Variants in PTPN20 observed in about 807,000 individuals in gnomAD.
The protein encoded by PTPN20 is tyrosine-protein phosphatase non-receptor type 20.
A neutral mutation model predicts 35.0 loss-of-function variants in PTPN20; 9 were observed. The observed-to-expected ratio is 0.26, with a 90% CI of 0.15 to 0.45. PTPN20 has a LOEUF of 0.45. Ranked by LOEUF, PTPN20 falls within the 20% of genes least tolerant of loss-of-function variation. The pLI, the probability that PTPN20 is intolerant of heterozygous loss-of-function variation, is 1.00. For synonymous variants in PTPN20, 32 were observed against 100.2 expected (o/e 0.32, Z 4.06); for missense variants, 111 against 312.5 (o/e 0.36, Z 4.86).
At chr10:46,999,321 T>A (rs201012193) in intron 9 of PTPN20, among the ~76,000 whole-genome samples, 48,660 of 151,802 alleles carry the variant, frequency 0.32, 8,129 homozygotes, top group South Asian at 0.48. Flanking sequence ...CTGGTCTATA[T>A]CCTGTTCAGT....
intron 1 of PTPN20, chr10:46,911,887 A>G: frequency 1.7e-5 from 2 of 115,004 alleles, no homozygotes; most frequent in Non-Finnish European, 2.8e-5. Flanking sequence ...GAACTTCCCA[A>G]TGACTCAAGG....
At chr10:46,925,099 C>T (rs1555112442) in intron 1 of PTPN20, among the ~76,000 whole-genome samples, 1 of 151,080 alleles carries the variant, frequency 6.6e-6, no homozygotes, top group Non-Finnish European at 1.5e-5. Context: ...GGCAACCACA[C>T]CCCAGCCTGG....
Position 46,946,567 on chromosome 10 carries a change from A to G in PTPN20, c.232A>G (p.Ser78Gly). The stretch of plus-strand genomic sequence containing the variant: ...ATATATACATTTCTTTTCTAGTGGC[A>G]GTGATCCCAGCATGTGGACAGCCAG... The part of the protein sequence containing the change: ...DVFEEPSESG[S>G]DPSMWTARGP... The change falls in exon 5 of 11, where the codon AGT becomes GGT. Residue 78 changes from serine (S) to glycine (G), a missense_variant. Physicochemically the swap from Ser to Gly is moderately conservative, Grantham distance 56 (BLOSUM62 0). This residue lies in a region of PTPN20 where 22 missense variants were observed against 49.2 expected (regional missense o/e 0.45). Coordinates refer to ENST00000374339, the MANE Select transcript of PTPN20 (RefSeq NM_001042357.5). The G allele has an allele frequency of 6.2e-7, 1 of 1,611,290 alleles. No homozygotes were observed. Among genetic ancestry groups the G allele is most frequent in the Non-Finnish European group, 8.5e-7 (1 of 1,179,574 alleles).
intron 9 of PTPN20, among the ~76,000 whole-genome samples, chr10:46,993,287 A>T (rs2058362634): frequency 6.6e-6 from 1 of 152,290 alleles, no homozygotes; most frequent in South Asian, 2.1e-4. Flanking sequence ...TTTAACCCCA[A>T]GGGGAACCCT....
chr10:46,998,036 A>G (rs1856679), intron 9 of PTPN20, among the ~76,000 whole-genome samples: 74,752 of 151,946 alleles, frequency 0.49, 19,636 homozygotes, highest in African/African-American at 0.68. Flanking sequence ...ACCAGCCACT[A>G]CGGAAAACAA....
chr10:46,940,634 G>A lies in PTPN20; in HGVS notation c.46G>A (p.Glu16Lys). The A allele has an allele frequency of 6.2e-7, 1 of 1,611,094 alleles. No individual in the cohort carries two copies. Among genetic ancestry groups the A allele is most frequent in the Non-Finnish European group, 8.5e-7 (1 of 1,179,692 alleles). The change falls in exon 3 of 11, where the codon GAG becomes AAG. Residue 16 changes from glutamate (E) to lysine (K), a missense_variant. Physicochemically the swap from Glu to Lys is moderately conservative, Grantham distance 56. This residue lies in a region of PTPN20 where 22 missense variants were observed against 49.2 expected (regional missense o/e 0.45). Coordinates refer to ENST00000374339, the MANE Select transcript of PTPN20 (RefSeq NM_001042357.5). ...CCGCCTTTGTTCAGTAAACGATTAT[G>A]AGGGAAATGACTCTGAAGCAGAAGA... ...DFRAEPVNDY[E>K]GNDSEAEDLN...
chr10:46,999,874 C>A, intron 9 of PTPN20, 38 bp from the exon 10 acceptor site: 1 of 1,610,144 alleles, frequency 6.2e-7, no homozygotes, highest in Non-Finnish European at 8.5e-7. Flanking sequence ...GTTTTTCCCC[C>A]ATGTGGATCA....
chr10:46,952,342 TG>T (rs2046951380), intron 5 of PTPN20, among the ~76,000 whole-genome samples: 2 of 149,390 alleles, frequency 1.3e-5, no homozygotes, highest in Non-Finnish European at 3.0e-5. Flanking sequence ...GCATCTACAG[TG>T]ATAAAACTAA....
At chr10:46,997,916 T>C (rs1194561407) in intron 9 of PTPN20, among the ~76,000 whole-genome samples, 2 of 152,106 alleles carry the variant, frequency 1.3e-5, no homozygotes, top group Non-Finnish European at 2.9e-5. Flanking sequence ...CCCATGCTGA[T>C]GAAGATTTGG....
intron 5 of PTPN20, among the ~76,000 whole-genome samples, chr10:46,952,576 G>T (rs1175199940): frequency 8.3e-6 from 1 of 120,632 alleles, no homozygotes; most frequent in Non-Finnish European, 1.7e-5. Flanking sequence ...GGTTGTATCT[G>T]ATTTTGATCA....
intron 9 of PTPN20, among the ~76,000 whole-genome samples, chr10:46,998,922 C>G (rs1555183449): frequency 7.4e-6 from 1 of 135,230 alleles, no homozygotes; most frequent in Non-Finnish European, 1.6e-5. Context: ...GAGTTTGAAA[C>G]CAGCCTGGGT....
At chr10:46,937,257 C>CTTTG (rs1565456276) in intron 2 of PTPN20, among the ~76,000 whole-genome samples, 231 of 147,132 alleles carry the variant, frequency 1.6e-3, no homozygotes, top group Non-Finnish European at 2.6e-3. Flanking sequence ...AGAAATCCAT[C>CTTTG]ATTCTTATCT....
At chr10:46,939,502 G>A (rs1555131609) in intron 2 of PTPN20, among the ~76,000 whole-genome samples, 1 of 129,086 alleles carries the variant, frequency 7.7e-6, no homozygotes, top group African/African-American at 3.2e-5. Context: ...AGAGGGTTGC[G>A]TATTTTTAAG....
intron 5 of PTPN20, among the ~76,000 whole-genome samples, chr10:46,948,897 T>C (rs1366476860): frequency 1.3e-5 from 2 of 148,420 alleles, no homozygotes; most frequent in Non-Finnish European, 3.0e-5. Flanking sequence ...CTGACACCTT[T>C]GGCAAGTCTA....
intron 3 of PTPN20, among the ~76,000 whole-genome samples, chr10:46,943,165 TG>T (rs1317246550): frequency 9.5e-6 from 1 of 104,850 alleles, no homozygotes; most frequent in African/African-American, 3.9e-5. Flanking sequence ...TATTTTATAA[TG>T]TTTTTGCTGG....
At chr10:46,976,243 G>A (rs2053549451) in intron 7 of PTPN20, among the ~76,000 whole-genome samples, 2 of 115,358 alleles carry the variant, frequency 1.7e-5, no homozygotes, top group Admixed American at 9.1e-5. Context: ...CCTGGCTCTC[G>A]TCATTCTTCT....
chr10:46,948,614 G>A (rs2134395981), intron 5 of PTPN20, among the ~76,000 whole-genome samples: 1 of 151,134 alleles, frequency 6.6e-6, no homozygotes, highest in East Asian at 2.0e-4. Context: ...CAGGGTGTCA[G>A]CTGGGGTGCT....
At position 46,923,355 on chromosome 10, in the gene PTPN20, A is replaced by G. The variant is rs1436489803; in HGVS notation, c.-123-9022A>G. On this transcript the variant is annotated intron_variant, in intron 1 of 10. Coordinates refer to ENST00000374339, the MANE Select transcript of PTPN20 (RefSeq NM_001042357.5). Reference sequence around the variant, plus strand: ...GCAGCTCTTGGGCACCAATACAGTTATCTTCTAGAAGTTTGAGAGTTTTTG... The same window carrying G: ...GCAGCTCTTGGGCACCAATACAGTTGTCTTCTAGAAGTTTGAGAGTTTTTG... Among the ~76,000 whole-genome samples the G allele has an allele frequency of 1.3e-4, 19 of 146,470 alleles. 1 individual carries two copies. The highest frequency in any genetic ancestry group is 5.2e-4 in the African/African-American group (19 of 36,654).
chr10:46,986,442 G>A (rs1248806229), intron 8 of PTPN20, among the ~76,000 whole-genome samples: 3 of 148,680 alleles, frequency 2.0e-5, no homozygotes, highest in Admixed American at 2.0e-4. Context: ...GCATTCGGGA[G>A]AAGCATAGGA....
Sources: allele counts gnomAD v4.1 joint callset (sites outside exome capture counted in the v4.1 genomes callset), GRCh38; gene constraint gnomAD v4.1.1; regional missense constraint gnomAD v4.1.1; transcripts MANE v1.5; gene names NCBI Gene and HGNC (gene_info 2026-07-23, HGNC 2026-07-21).